Variants in PEF1 observed in about 807,000 individuals in gnomAD.
PEF1 encodes penta-EF-hand domain containing 1, also known as peflin.
PEF1 carries 17 observed loss-of-function variants against 32.0 expected under a neutral mutation model. The ratio of observed to expected loss-of-function variants is 0.53; its 90% CI spans 0.36 to 0.80. The LOEUF (loss-of-function observed/expected upper bound fraction) is 0.80, where lower values mean the gene tolerates loss of function less well. Ranked by LOEUF, PEF1 falls within the 30% of genes least tolerant of loss-of-function variation. The probability of loss-of-function intolerance (pLI) is 0.00; values close to 1 mark genes in which losing one functional copy is unlikely to be tolerated. For missense variants in PEF1, 362 were observed against 369.1 expected, an observed-to-expected ratio of 0.98 and a Z score of 0.16; for synonymous variants, 130 against 139.8, an observed-to-expected ratio of 0.93 and a Z score of 0.50.
rs1248827157 is a variant in PEF1 at position 31,630,000 on chromosome 1, G to A, written c.*613C>T. The A allele has an allele frequency of 1.3e-5, 2 of 155,806 alleles. No individual in the cohort carries two copies. The highest frequency in any genetic ancestry group is 4.8e-5 in the African/African-American group (2 of 41,596). 9.7% of individuals were successfully genotyped at this position (155,806 alleles called of 1,614,324 possible). ...CTCCTGGAGACTGAAGCCGAGCAGA[G>A]CATGGCAGGCAAGTGAGGGGTCCCA... On this transcript the variant is annotated 3_prime_UTR_variant, in exon 5 of 5. Coordinates refer to ENST00000373703, the MANE Select transcript of PEF1 (RefSeq NM_012392.4).
intron 1 of PEF1, chr1:31,644,472 G>A: frequency 8.3e-7 from 1 of 1,201,882 alleles, no homozygotes; most frequent in Non-Finnish European, 1.0e-6. Flanking sequence ...CGCCCCAAAT[G>A]AGATCGGCGG....
rs879583084 is a variant in PEF1 at position 31,637,488 on chromosome 1, T to A, written c.25-1966A>T. On this transcript the variant is annotated intron_variant, in intron 1 of 4. Transcript: ENST00000373703. ...AGTAAGATCCCACCTCTACAAAAAA[T>A]TTTTAAAAATCAGCCGGGCATGGTG... Among the ~76,000 whole-genome samples, 11 of 151,902 alleles carry A rather than the reference T, an allele frequency of 7.2e-5. No homozygotes were observed. In the East Asian group the frequency reaches 1.5e-3, roughly 21 times the overall value.
At chr1:31,638,242 C>T (rs191232016) in intron 1 of PEF1, among the ~76,000 whole-genome samples, 17 of 151,944 alleles carry the variant, frequency 1.1e-4, no homozygotes, top group African/African-American at 4.1e-4. Flanking sequence ...GAAGACAAGT[C>T]ACTTAACCTA....
At chr1:31,638,488 T>C (rs1460683509) in intron 1 of PEF1, among the ~76,000 whole-genome samples, 2 of 152,212 alleles carry the variant, frequency 1.3e-5, no homozygotes, top group East Asian at 1.9e-4. Context: ...AAGCCAGAAG[T>C]AGCTGCCCCA....
chr1:31,638,239 A>G (rs753044879), intron 1 of PEF1, among the ~76,000 whole-genome samples: 4 of 151,990 alleles, frequency 2.6e-5, no homozygotes, highest in Non-Finnish European at 5.9e-5. Context: ...CCAGAAGACA[A>G]GTCACTTAAC....
rs768168723 is a variant in PEF1, at chr1:31,644,835, A to T, written c.24+6T>A. ...ACCTGGATTCGCGGGCCCCTCACACACTCACCTGCCGGTAAGGATAGCTGG... is the reference window on the plus strand; with the variant it reads ...ACCTGGATTCGCGGGCCCCTCACACTCTCACCTGCCGGTAAGGATAGCTGG... On this transcript the variant is annotated splice_donor_region_variant and intron_variant, in intron 1 of 4. Coordinates refer to ENST00000373703, the MANE Select transcript of PEF1 (RefSeq NM_012392.4). The T allele has an allele frequency of 6.2e-7, 1 of 1,613,202 alleles. No individual in the cohort carries two copies. Among genetic ancestry groups the T allele is most frequent in the Non-Finnish European group, 8.5e-7 (1 of 1,179,664 alleles).
chr1:31,636,345 G>A (rs1036548813), intron 1 of PEF1, among the ~76,000 whole-genome samples: 4 of 152,040 alleles, frequency 2.6e-5, no homozygotes, highest in African/African-American at 4.8e-5. Flanking sequence ...GTGTGGTGGC[G>A]CACACCTATA....
In PEF1 at chr1:31,632,562, C is replaced by G. The variant is rs1640138175; in HGVS notation, c.558G>C (p.Trp186Cys). The G allele has an allele frequency of 6.2e-7, 1 of 1,614,226 alleles. No homozygotes were observed. The highest frequency in any genetic ancestry group is 8.5e-7 in the Non-Finnish European group (1 of 1,180,038). Residue 186 changes from tryptophan (W) to cysteine (C), a missense_variant, in exon 4 of 5, where the codon TGG becomes TGC. Trp to Cys is a radical substitution (Grantham distance 215, BLOSUM62 -2). Transcript: ENST00000373703. ...GGTCATACTGCTGGAAGAGGTTCTT[C>G]CACTGCTGGATGAATTTCCACAGGG... ...FSALWKFIQQ[W>C]KNLFQQYDRD...
At position 31,630,676 on chromosome 1, in the gene PEF1, T is replaced by C; in HGVS notation, c.792A>G (p.Val264=). The change falls in exon 5 of 5, where the codon GTA becomes GTG. Residue 264 remains valine (V), a synonymous_variant. Coordinates refer to ENST00000373703, the MANE Select transcript of PEF1 (RefSeq NM_012392.4). ...TEAFREKDTA[V]QGNIRLSFED... is the part of the protein sequence containing the mutation. ...CGAAGCTGAGCCGAATGTTGCCTTG[T>C]ACAGCTGTGTCCTTCTCCCGGAAGG... 1 of 1,613,762 alleles carries C rather than the reference T, an allele frequency of 6.2e-7. No homozygotes were observed. The highest frequency in any genetic ancestry group is 1.1e-5 in the South Asian group (1 of 91,066).
chr1:31,639,317 G>C (rs962981457), intron 1 of PEF1, among the ~76,000 whole-genome samples: 3 of 152,198 alleles, frequency 2.0e-5, no homozygotes, highest in African/African-American at 7.2e-5. Flanking sequence ...ATTTCAGTTA[G>C]CCGTGAGGTA....
At chr1:31,638,767 G>GA (rs1640320763) in intron 1 of PEF1, among the ~76,000 whole-genome samples, 1 of 152,122 alleles carries the variant, frequency 6.6e-6, no homozygotes, top group African/African-American at 2.4e-5. Flanking sequence ...CCTCCTAACA[G>GA]AAAAAAGGAA....
intron 1 of PEF1, 152 bp from the exon 2 acceptor site, chr1:31,635,674 A>T: frequency 1.2e-6 from 1 of 814,192 alleles, no homozygotes; most frequent in Non-Finnish European, 1.7e-6. Flanking sequence ...AGATGGGCAA[A>T]CTGAGGCTTC....
intron 1 of PEF1, among the ~76,000 whole-genome samples, chr1:31,638,495 C>T (rs531871252): frequency 1.3e-5 from 2 of 152,308 alleles, no homozygotes; most frequent in Admixed American, 1.3e-4. Flanking sequence ...AAGTAGCTGC[C>T]CCACTATAAG....
chr1:31,643,065 G>T (rs1640444347), intron 1 of PEF1, among the ~76,000 whole-genome samples: 1 of 152,180 alleles, frequency 6.6e-6, no homozygotes, highest in Admixed American at 6.5e-5. Flanking sequence ...TCTTAAACAA[G>T]CTCTCAGCTG....
chr1:31,639,273 T>C lies in PEF1; in HGVS notation c.25-3751A>G, dbSNP rs550193260. 3.9e-5 allele frequency among the ~76,000 whole-genome samples: 6 copies of C among 152,312 alleles called. No homozygotes were observed. The East Asian group carries it at 1.2e-3, about 29-fold the overall frequency. ...TGTGAACCCAGAAAGGCAGGCCCTC[T>C]ATACACTCGTTGACCAAGCACCTCT... is the stretch of plus-strand genomic sequence containing the variant. On this transcript the variant is annotated intron_variant, in intron 1 of 4. Transcript: ENST00000373703.
intron 3 of PEF1, 150 bp downstream of exon 3, chr1:31,633,009 G>A (rs1480799914): frequency 1.1e-6 from 1 of 910,460 alleles, no homozygotes. Flanking sequence ...TCAGTCTAGG[G>A]GATCTCACCC....
chr1:31,633,141 G>A lies in PEF1; in HGVS notation c.481+18C>T, dbSNP rs369649270. 3 of 1,607,762 alleles carry A rather than the reference G, an allele frequency of 1.9e-6. No individual in the cohort carries two copies. Among genetic ancestry groups the A allele is most frequent in the Non-Finnish European group, 2.6e-6 (3 of 1,176,292 alleles). On this transcript the variant is annotated intron_variant, in intron 3 of 4. Coordinates refer to ENST00000373703, the MANE Select transcript of PEF1 (RefSeq NM_012392.4). ...GGCTCTGCCCCAGCTCAGGCCCAAG[G>A]GCAAGGCGGAGACTCACTTATCATC...
At position 31,633,258 on chromosome 1, in the gene PEF1, A is replaced by C; in HGVS notation, c.382T>G (p.Ser128Ala). 6.2e-7 allele frequency: 1 copy of C among 1,614,072 alleles called. No individual in the cohort carries two copies. Among genetic ancestry groups the C allele is most frequent in the African/African-American group, 1.3e-5 (1 of 75,048 alleles). Reference protein sequence around the residue: ...EAYSWFQSVDSDHSGYISMKE... With the variant: ...EAYSWFQSVDADHSGYISMKE... ...ATGGAGATATAGCCACTGTGATCTG[A>C]GTCCACCGACTGGAACCAGGAGTAG... The change falls in exon 3 of 5, where the codon TCA becomes GCA. Residue 128 changes from serine (S) to alanine (A), a missense_variant. Coordinates refer to ENST00000373703, the MANE Select transcript of PEF1 (RefSeq NM_012392.4).
chr1:31,644,730 C>G lies in PEF1; in HGVS notation c.24+111G>C, dbSNP rs971143890. ...TCTACAGCGCAAGGCCTCGCTGAAG[C>G]GAACCCATCGTGGGAAGGGCGCGGA... On this transcript the variant is annotated intron_variant, in intron 1 of 4. Coordinates refer to ENST00000373703, the MANE Select transcript of PEF1 (RefSeq NM_012392.4). The G allele has an allele frequency of 9.5e-6, 15 of 1,585,846 alleles. No individual in the cohort carries two copies. In the East Asian group the frequency reaches 2.9e-4, roughly 31 times the overall value.
Sources: gnomAD v4.1 joint callset for allele counts (sites outside exome capture counted in the v4.1 genomes callset) on GRCh38, gnomAD v4.1.1 for gene constraint, MANE v1.5 for transcripts, NCBI Gene and HGNC (gene_info 2026-07-23, HGNC 2026-07-21) for gene names.